The following TRERF1 variants were observed in gnomAD, a reference collection of about 807,000 sequenced individuals.
TRERF1 encodes transcriptional-regulating factor 1.
A neutral mutation model predicts 122.9 loss-of-function variants in TRERF1; 27 were observed. That is an observed-to-expected ratio of 0.22 (90% CI 0.16 to 0.30). TRERF1 has a LOEUF of 0.30. Ranked by LOEUF, TRERF1 falls within the 10% of genes least tolerant of loss-of-function variation. The pLI is 1.00. For synonymous variants in TRERF1, 636 were observed against 641.7 expected (o/e 0.99, Z 0.13); for missense variants, 1,248 against 1,560.3 (o/e 0.80, Z 3.37).
chr6:42,291,423 G>T (rs1784300387), intron 4 of TRERF1, among the ~76,000 whole-genome samples: 1 of 149,392 alleles, frequency 6.7e-6, no homozygotes, highest in South Asian at 2.1e-4. Context: ...ACTTGGAAGT[G>T]TGAAAAAGAA....
intron 3 of TRERF1, among the ~76,000 whole-genome samples, chr6:42,326,365 T>G (rs1764300326): frequency 6.6e-6 from 1 of 152,158 alleles, no homozygotes; most frequent in South Asian, 2.1e-4. Context: ...CCGTCTCTCT[T>G]GGAAAGTGGG....
intron 4 of TRERF1, among the ~76,000 whole-genome samples, chr6:42,298,392 G>T (rs1351097822): frequency 6.6e-6 from 1 of 151,732 alleles, no homozygotes; most frequent in East Asian, 2.0e-4. Context: ...CTGACTTCAG[G>T]TGATCCACCC....
At chr6:42,400,320 G>T (rs920785011) in intron 2 of TRERF1, among the ~76,000 whole-genome samples, 1 of 152,192 alleles carries the variant, frequency 6.6e-6, no homozygotes, top group Non-Finnish European at 1.5e-5. Context: ...TGACAGCTGC[G>T]CAGCCCAGCA....
chr6:42,312,421 G>C (rs1012721808), intron 3 of TRERF1, among the ~76,000 whole-genome samples: 7 of 152,218 alleles, frequency 4.6e-5, no homozygotes, highest in African/African-American at 1.4e-4. Flanking sequence ...ATTCAAGGCA[G>C]CACTGGATCA....
chr6:42,376,123 T>C (rs1371574572), intron 2 of TRERF1, among the ~76,000 whole-genome samples: 1 of 152,076 alleles, frequency 6.6e-6, no homozygotes, highest in Non-Finnish European at 1.5e-5. Context: ...GCCCAATCAG[T>C]GTGAAGGGGG....
rs1769942319 is a variant in TRERF1, at chr6:42,228,770, G to A, written c.3279-101C>T. ...GAATGGGGGTGTGTGGTCTGACAAA[G>A]TCCCTGGCTGCTCGGCTTCTAGGAC... On this transcript the variant is annotated intron_variant, in intron 17 of 17. Transcript: ENST00000372922. This position sits in a 1 kb window ranked among gnomAD's most constrained non-coding sequence, Gnocchi z 4.2. 8.3e-7 allele frequency: 1 copy of A among 1,211,516 alleles called. No individual in the cohort carries two copies. The highest frequency in any genetic ancestry group is 1.1e-6 in the Non-Finnish European group (1 of 870,166). 75.0% of individuals were successfully genotyped at this position (1,211,516 alleles called of 1,614,324 possible).
chr6:42,263,717 C>T lies in TRERF1; in HGVS notation c.1636-149G>A. 1 of 1,194,356 alleles carries T rather than the reference C, an allele frequency of 8.4e-7. No homozygotes were observed. Among genetic ancestry groups the T allele is most frequent in the Non-Finnish European group, 1.1e-6 (1 of 925,958 alleles). 74.0% of individuals were successfully genotyped at this position (1,194,356 alleles called of 1,614,324 possible). ...ATTTCCTTCCTGCAATCCTGAGTCC[C>T]TTGGCTGGAGTGATGCCAGCTGATG... On this transcript the variant is annotated intron_variant, in intron 7 of 17. Coordinates refer to ENST00000372922, the Ensembl canonical transcript of TRERF1. The surrounding 1 kb of genome is among the most constrained non-coding windows in gnomAD (Gnocchi z 5.6).
At chr6:42,392,529 C>T (rs999743588) in intron 2 of TRERF1, among the ~76,000 whole-genome samples, 1 of 152,120 alleles carries the variant, frequency 6.6e-6, no homozygotes, top group Non-Finnish European at 1.5e-5. Context: ...TTTAGGCTAA[C>T]TAACTGAAAT....
At chr6:42,368,226 C>T (rs190614515) in intron 2 of TRERF1, among the ~76,000 whole-genome samples, 1 of 152,186 alleles carries the variant, frequency 6.6e-6, no homozygotes, top group African/African-American at 2.4e-5. Context: ...CAATACCTTC[C>T]TATTGTACCT....
At chr6:42,438,691 G>A (rs1785921643) in intron 2 of TRERF1, among the ~76,000 whole-genome samples, 1 of 152,068 alleles carries the variant, frequency 6.6e-6, no homozygotes, top group Non-Finnish European at 1.5e-5. Flanking sequence ...GTTAAGACTA[G>A]ATTCATATCA....
At chr6:42,434,701 CACACACACA>C (rs1785017859) in intron 2 of TRERF1, among the ~76,000 whole-genome samples, 1 of 151,632 alleles carries the variant, frequency 6.6e-6, no homozygotes, top group Non-Finnish European at 1.5e-5. Context: ...CACACACACA[CACACACACA>C]CCCCTAATAG....
At chr6:42,411,097 T>C (rs966058097) in intron 2 of TRERF1, among the ~76,000 whole-genome samples, 4 of 152,172 alleles carry the variant, frequency 2.6e-5, no homozygotes, top group South Asian at 2.1e-4. Flanking sequence ...GAAGTCAGGA[T>C]GGGCAACCCT....
chr6:42,378,975 C>G (rs910348257), intron 2 of TRERF1, among the ~76,000 whole-genome samples: 51 of 151,968 alleles, frequency 3.4e-4, no homozygotes, highest in African/African-American at 1.2e-3. Context: ...AAAAAATAGG[C>G]AGGCATGGTG....
chr6:42,396,223 C>T (rs982677010), intron 2 of TRERF1, among the ~76,000 whole-genome samples: 2 of 152,100 alleles, frequency 1.3e-5, no homozygotes, highest in African/African-American at 2.4e-5. Context: ...CGCGCTGAAG[C>T]TCTCATATGT....
At chr6:42,252,750 T>C (rs1311139378) in intron 13 of TRERF1, among the ~76,000 whole-genome samples, 1 of 152,104 alleles carries the variant, frequency 6.6e-6, no homozygotes, top group East Asian at 2.0e-4. Flanking sequence ...AGAAGGAAAC[T>C]GTTAAGGAGA....
intron 4 of TRERF1, among the ~76,000 whole-genome samples, chr6:42,280,561 C>T (rs906356938): frequency 3.3e-5 from 5 of 152,190 alleles, no homozygotes; most frequent in African/African-American, 4.8e-5. Context: ...CCCTGCAGCC[C>T]TCGGGGTTCA....
At position 42,256,714 on chromosome 6, in the gene TRERF1, T is replaced by C; in HGVS notation, c.2580+14A>G. 1 of 1,610,346 alleles carries C rather than the reference T, an allele frequency of 6.2e-7. No individual in the cohort carries two copies. On this transcript the variant is annotated intron_variant, in intron 12 of 17. Coordinates refer to ENST00000372922, the Ensembl canonical transcript of TRERF1. ...TTCAGGAATTTGTAAAGCCTCTTTT[T>C]CATGGTTCCTTACCATCACATCACC...
chr6:42,403,651 G>A (rs554474053), intron 2 of TRERF1, among the ~76,000 whole-genome samples: 62 of 152,322 alleles, frequency 4.1e-4, no homozygotes, highest in African/African-American at 1.3e-3. Context: ...TGTTTCAGCA[G>A]CCCTAGAAAG....
At chr6:42,353,117 G>A (rs748667984) in intron 3 of TRERF1, among the ~76,000 whole-genome samples, 7 of 152,002 alleles carry the variant, frequency 4.6e-5, no homozygotes, top group Non-Finnish European at 8.8e-5. Flanking sequence ...GCTGCAGTGA[G>A]CTGTGATCAC....
Sources: gnomAD v4.1 joint callset for allele counts (sites outside exome capture counted in the v4.1 genomes callset) on GRCh38, gnomAD v4.1.1 for gene constraint, Gnocchi (gnomAD v3.1) non-coding constraint, MANE v1.5 for transcripts, NCBI Gene and HGNC (gene_info 2026-07-23, HGNC 2026-07-21) for gene names.